Variants in FILIP1L observed in about 807,000 individuals in gnomAD.
FILIP1L encodes the protein filamin A interacting protein 1 like.
Under a neutral mutation model 96.6 loss-of-function variants are expected in FILIP1L, and 55 were observed. The observed-to-expected ratio is 0.57, with a 90% CI of 0.46 to 0.71. FILIP1L has a LOEUF of 0.71. Among genes scored for constraint, FILIP1L ranks in the 30% least tolerant of loss-of-function variants. The pLI is 0.00. For missense variants in FILIP1L, 1,304 were observed against 1,321.2 expected, an observed-to-expected ratio of 0.99 and a Z score of 0.20; for synonymous variants, 467 against 473.9, an observed-to-expected ratio of 0.99 and a Z score of 0.19.
intron 1 of FILIP1L, among the ~76,000 whole-genome samples, chr3:100,064,410 T>G (rs965036566): frequency 6.6e-6 from 1 of 152,080 alleles, no homozygotes; most frequent in African/African-American, 2.4e-5. Flanking sequence ...TTTTTTTTTT[T>G]CAACATTAAA....
chr3:100,098,025 T>C (rs998281969), intron 1 of FILIP1L, among the ~76,000 whole-genome samples: 1 of 152,214 alleles, frequency 6.6e-6, no homozygotes, highest in Non-Finnish European at 1.5e-5. Flanking sequence ...ACGTGCCACA[T>C]TGCTATTTGA....
intron 1 of FILIP1L, among the ~76,000 whole-genome samples, chr3:100,106,279 T>G (rs2066394029): frequency 6.6e-6 from 1 of 152,160 alleles, no homozygotes; most frequent in South Asian, 2.1e-4. Flanking sequence ...GGATTTACAC[T>G]TGCAGATGAT....
intron 1 of FILIP1L, among the ~76,000 whole-genome samples, chr3:100,090,062 A>T (rs1339011627): frequency 2.6e-5 from 4 of 152,178 alleles, no homozygotes; most frequent in Non-Finnish European, 2.9e-5. Context: ...AACTTCACTG[A>T]TGTTTATCTC....
intron 1 of FILIP1L, among the ~76,000 whole-genome samples, chr3:100,108,211 A>G (rs952924497): frequency 2.0e-5 from 3 of 152,132 alleles, no homozygotes; most frequent in East Asian, 1.9e-4. Flanking sequence ...TCTGTGTGCA[A>G]TCTAACTAGG....
At chr3:99,853,728 T>G (rs888282135) in intron 4 of FILIP1L, among the ~76,000 whole-genome samples, 5 of 152,256 alleles carry the variant, frequency 3.3e-5, no homozygotes, top group African/African-American at 1.2e-4. Flanking sequence ...ATGCATTTTC[T>G]CTAAGCATTT....
chr3:100,066,139 G>A (rs1282570383), intron 1 of FILIP1L, among the ~76,000 whole-genome samples: 1 of 152,180 alleles, frequency 6.6e-6, no homozygotes, highest in East Asian at 1.9e-4. Context: ...ACCTGTCAGT[G>A]TCTGAATTCA....
intron 5 of FILIP1L, among the ~76,000 whole-genome samples, chr3:99,836,027 C>T (rs762693361): frequency 1.3e-5 from 2 of 152,036 alleles, no homozygotes; most frequent in African/African-American, 2.4e-5. Flanking sequence ...GGAGATGAAA[C>T]GAAAGATGAA....
intron 1 of FILIP1L, among the ~76,000 whole-genome samples, chr3:100,055,865 G>T (rs371500788): frequency 6.6e-6 from 1 of 152,172 alleles, no homozygotes; most frequent in Admixed American, 6.5e-5. Flanking sequence ...GGGTAGATAT[G>T]AAGTTTTTCA....
At chr3:100,002,968 G>A (rs748412534) in intron 1 of FILIP1L, among the ~76,000 whole-genome samples, 2 of 152,150 alleles carry the variant, frequency 1.3e-5, no homozygotes, top group African/African-American at 2.4e-5. Flanking sequence ...CAGAGTCCAG[G>A]CGACAAGATT....
chr3:100,056,532 G>A (rs2065466283), intron 1 of FILIP1L, among the ~76,000 whole-genome samples: 1 of 152,120 alleles, frequency 6.6e-6, no homozygotes, highest in African/African-American at 2.4e-5. Context: ...TAACATTTTA[G>A]CCTCCAGGTC....
At chr3:100,038,781 G>A (rs756653633) in intron 1 of FILIP1L, among the ~76,000 whole-genome samples, 16 of 152,142 alleles carry the variant, frequency 1.1e-4, no homozygotes, top group Admixed American at 2.6e-4. Context: ...GATTACAGGT[G>A]CCAAGCCACG....
At chr3:100,067,383 G>A (rs1422767337) in intron 1 of FILIP1L, among the ~76,000 whole-genome samples, 1 of 152,160 alleles carries the variant, frequency 6.6e-6, no homozygotes, top group Non-Finnish European at 1.5e-5. Flanking sequence ...AAGCACCCTG[G>A]TGAAGGTTGT....
At chr3:99,865,650 G>A (rs2107567569) in intron 4 of FILIP1L, among the ~76,000 whole-genome samples, 1 of 152,144 alleles carries the variant, frequency 6.6e-6, no homozygotes, top group East Asian at 1.9e-4. Context: ...TGGTGGGTTT[G>A]TCATAAATAC....
intron 1 of FILIP1L, among the ~76,000 whole-genome samples, chr3:99,957,693 C>CTTTCTTTTTTTTTTTT: frequency 5.0e-5 from 1 of 19,894 alleles, no homozygotes; most frequent in Non-Finnish European, 1.1e-4. Context: ...TTCTTTCTTT[C>CTTTCTTTTTTTTTTTT]TTTTTTTTTT....
At chr3:99,932,763 C>T (rs1310184683) in intron 1 of FILIP1L, among the ~76,000 whole-genome samples, 1 of 152,128 alleles carries the variant, frequency 6.6e-6, no homozygotes, top group Non-Finnish European at 1.5e-5. Context: ...TGGTGGCACA[C>T]ACCTGTAATC....
intron 1 of FILIP1L, among the ~76,000 whole-genome samples, chr3:100,008,855 G>T (rs1440852577): frequency 6.6e-6 from 1 of 152,210 alleles, no homozygotes; most frequent in Non-Finnish European, 1.5e-5. Context: ...ATGCAGCAAA[G>T]TGATTTTATT....
chr3:100,080,408 A>C (rs1400394721), intron 1 of FILIP1L, among the ~76,000 whole-genome samples: 1 of 152,218 alleles, frequency 6.6e-6, no homozygotes, highest in Non-Finnish European at 1.5e-5. Flanking sequence ...TTTAGTGAGC[A>C]TAACAATCAC....
rs1706745087 is a variant in FILIP1L, at chr3:99,910,066, T to A, written c.605+14164A>T. ...GCTTCAGTGTGGGGTCAGCTCACCC[T>A]CATTGCACTTTCAAGTATAATATTA... On this transcript the variant is annotated intron_variant, in intron 4 of 5. Transcript: ENST00000477258. 1.5e-5 allele frequency among the ~76,000 whole-genome samples: 2 copies of A among 135,916 alleles called. 1 individual carries two copies. Among genetic ancestry groups the A allele is most frequent in the African/African-American group, 5.0e-5 (2 of 39,902 alleles). 89.2% of individuals were successfully genotyped at this position (135,916 alleles called of 152,430 possible).
At chr3:99,969,303 G>T (rs912084665) in intron 1 of FILIP1L, among the ~76,000 whole-genome samples, 2 of 152,160 alleles carry the variant, frequency 1.3e-5, no homozygotes, top group Non-Finnish European at 2.9e-5. Flanking sequence ...AGCCTTGTTT[G>T]GGCTCTTGAG....
Sources: allele counts gnomAD v4.1 joint callset (sites outside exome capture counted in the v4.1 genomes callset), GRCh38; gene constraint gnomAD v4.1.1; transcripts MANE v1.5; gene names NCBI Gene and HGNC (gene_info 2026-07-23, HGNC 2026-07-21).